WDPCP: variants seen among roughly 807,000 people sequenced by gnomAD.
WDPCP encodes WD repeat containing planar cell polarity effector, also known as WD repeat-containing and planar cell polarity effector protein fritz homolog.
WDPCP carries 71 observed loss-of-function variants against 93.1 expected under a neutral mutation model. The observed-to-expected ratio is 0.76, with a 90% CI of 0.63 to 0.93. The LOEUF is 0.93. WDPCP is among the 40% of genes least tolerant of loss of function. The pLI is 0.00. For missense variants in WDPCP, 844 were observed against 887.4 expected (o/e 0.95, Z 0.62); for synonymous variants, 315 against 315.0 (o/e 1.00, Z 0.00).
intron 9 of WDPCP, among the ~76,000 whole-genome samples, chr2:63,416,046 AT>A (rs1695390942): frequency 6.6e-6 from 1 of 152,230 alleles, no homozygotes; most frequent in Admixed American, 6.5e-5. Flanking sequence ...AATGAAAAAA[AT>A]TCCTAAAATG....
intron 2 of WDPCP, among the ~76,000 whole-genome samples, chr2:63,782,504 C>A (rs891130577): frequency 6.6e-6 from 1 of 151,864 alleles, no homozygotes; most frequent in African/African-American, 2.4e-5. Context: ...TGGGCAAAGG[C>A]CAAGAATAGA....
chr2:63,587,114 A>G (rs1708897180), intron 1 of WDPCP, among the ~76,000 whole-genome samples: 1 of 152,242 alleles, frequency 6.6e-6, no homozygotes, highest in Non-Finnish European at 1.5e-5. Flanking sequence ...CTCAGAGTAA[A>G]AAGTAAAACT....
intron 6 of WDPCP, among the ~76,000 whole-genome samples, chr2:63,461,764 C>T (rs1431082924): frequency 1.3e-5 from 2 of 152,178 alleles, no homozygotes; most frequent in Non-Finnish European, 1.5e-5. Flanking sequence ...GCAGATTATA[C>T]CAAGGTGTAC....
At chr2:63,475,446 C>T in intron 6 of WDPCP, among the ~76,000 whole-genome samples, 2 of 152,166 alleles carry the variant, frequency 1.3e-5, no homozygotes, top group Middle Eastern at 6.8e-3. Flanking sequence ...AGATATTAAA[C>T]TTTAGATACT....
chr2:63,288,757 C>T lies in WDPCP; in HGVS notation c.1812+24491G>A, dbSNP rs77089775. Reference sequence around the variant, plus strand: ...CACCAGTTGTTCAAATAATGTCCTTCCTATCACAAATATCCATTTCTTGAT... The same window carrying T: ...CACCAGTTGTTCAAATAATGTCCTTTCTATCACAAATATCCATTTCTTGAT... On this transcript the variant is annotated intron_variant, in intron 13 of 17. Transcript: ENST00000272321. Among the ~76,000 whole-genome samples, 108 of 152,266 alleles carry T rather than the reference C, an allele frequency of 7.1e-4. 1 individual carries two copies. In the East Asian group the frequency reaches 0.019, roughly 26 times the overall value.
chr2:63,368,570 C>T (rs868423894), intron 12 of WDPCP, among the ~76,000 whole-genome samples: 1 of 151,804 alleles, frequency 6.6e-6, no homozygotes, highest in Admixed American at 6.6e-5. Context: ...AGGTGATCCA[C>T]TCACCTTGGC....
At chr2:63,541,787 GC>G (rs889755804) in intron 1 of WDPCP, among the ~76,000 whole-genome samples, 6 of 151,968 alleles carry the variant, frequency 3.9e-5, no homozygotes, top group Non-Finnish European at 8.8e-5. Context: ...ATCTCTTTGG[GC>G]TACATTTTCA....
At chr2:63,834,775 G>C in the WDPCP span, among the ~76,000 whole-genome samples, 18 of 152,152 alleles carry the variant, frequency 1.2e-4, no homozygotes, top group Non-Finnish European at 2.5e-4. Context: ...TACCTCCTTG[G>C]CTGTGCTCAG....
chr2:63,387,531 C>A (rs1439252821), intron 10 of WDPCP, among the ~76,000 whole-genome samples: 1 of 152,048 alleles, frequency 6.6e-6, no homozygotes, highest in African/African-American at 2.4e-5. Flanking sequence ...CCACAGCCAA[C>A]ATCATACTGA....
chr2:63,544,993 T>C (rs908218034), intron 1 of WDPCP, among the ~76,000 whole-genome samples: 3 of 152,148 alleles, frequency 2.0e-5, no homozygotes, highest in East Asian at 3.8e-4. Flanking sequence ...TGACTTTACA[T>C]AGTTAAAACT....
In WDPCP at chr2:63,535,360, C is replaced by T. The variant is rs542816271; in HGVS notation, c.76-42420G>A. Among the ~76,000 whole-genome samples the T allele has an allele frequency of 1.1e-4, 17 of 152,324 alleles. No individual in the cohort carries two copies. The South Asian group carries it at 3.5e-3, about 32-fold the overall frequency. On this transcript the variant is annotated intron_variant, in intron 1 of 17. Transcript: ENST00000272321. ...TTTCTTCACAAAATTGGAAAAACTA[C>T]TTTAAAGTTCATATGGAACCAAAAA...
intron 2 of WDPCP, among the ~76,000 whole-genome samples, chr2:63,780,625 A>G (rs537531833): frequency 3.3e-5 from 5 of 152,356 alleles, no homozygotes; most frequent in African/African-American, 1.2e-4. Context: ...AATGAAAGGC[A>G]AAGTCAGGAG....
intron 13 of WDPCP, among the ~76,000 whole-genome samples, chr2:63,268,577 C>G (rs1450599118): frequency 6.6e-6 from 1 of 152,118 alleles, no homozygotes; most frequent in Non-Finnish European, 1.5e-5. Context: ...GGTGATCCTC[C>G]CATCTCAGCC....
At chr2:63,514,472 G>T (rs2106113448) in intron 1 of WDPCP, among the ~76,000 whole-genome samples, 1 of 152,204 alleles carries the variant, frequency 6.6e-6, no homozygotes. Context: ...ATATTACCTT[G>T]ACAGGCACTT....
chr2:63,183,376 G>T (rs1429569925), intron 14 of WDPCP, among the ~76,000 whole-genome samples: 2 of 151,428 alleles, frequency 1.3e-5, no homozygotes, highest in African/African-American at 2.4e-5. Flanking sequence ...TCTTAATTTT[G>T]TCTTTGACCT....
intron 14 of WDPCP, among the ~76,000 whole-genome samples, chr2:63,205,589 T>C (rs555031634): frequency 6.6e-6 from 1 of 152,228 alleles, no homozygotes. Flanking sequence ...TTTGTGGCTA[T>C]TATAAATGGG....
intron 6 of WDPCP, among the ~76,000 whole-genome samples, chr2:63,445,363 T>C (rs1174635914): frequency 6.6e-6 from 1 of 152,174 alleles, no homozygotes; most frequent in African/African-American, 2.4e-5. Flanking sequence ...TACGGTGTTA[T>C]TCAATATATG....
At chr2:63,215,627 T>C (rs1179211774) in intron 14 of WDPCP, among the ~76,000 whole-genome samples, 1 of 152,180 alleles carries the variant, frequency 6.6e-6, no homozygotes, top group East Asian at 1.9e-4. Context: ...ACCTAGGCAG[T>C]ACCATTCAGG....
chr2:63,129,874 A>G (rs1670174661), intron 17 of WDPCP, among the ~76,000 whole-genome samples: 1 of 152,204 alleles, frequency 6.6e-6, no homozygotes, highest in Non-Finnish European at 1.5e-5. Context: ...ACCTAATACA[A>G]TGTAATTATT....
Sources: allele counts gnomAD v4.1 joint callset (sites outside exome capture counted in the v4.1 genomes callset), GRCh38; gene constraint gnomAD v4.1.1; transcripts MANE v1.5; gene names NCBI Gene and HGNC (gene_info 2026-07-23, HGNC 2026-07-21).